The following RUNX1 variants were observed in gnomAD, a reference collection of about 807,000 sequenced individuals.
The protein encoded by RUNX1 is RUNX family transcription factor 1.
RUNX1 carries 19 observed loss-of-function variants against 42.8 expected under a neutral mutation model. The observed-to-expected ratio is 0.44, with a 90% CI of 0.31 to 0.65. The LOEUF is 0.65. Among genes scored for constraint, RUNX1 ranks in the 30% least tolerant of loss-of-function variants. The pLI is 0.07. For missense variants in RUNX1, 528 were observed against 672.0 expected (o/e 0.79, Z 2.37); for synonymous variants, 271 against 289.4 (o/e 0.94, Z 0.64).
At chr21:34,896,038 T>C (rs1287856524) in intron 2 of RUNX1, among the ~76,000 whole-genome samples, 1 of 151,906 alleles carries the variant, frequency 6.6e-6, no homozygotes, top group Non-Finnish European at 1.5e-5. Flanking sequence ...GCATCTGTCC[T>C]TTAATAGTAG....
intron 2 of RUNX1, among the ~76,000 whole-genome samples, chr21:34,967,043 C>T (rs371229289): frequency 6.6e-6 from 1 of 151,952 alleles, no homozygotes; most frequent in Non-Finnish European, 1.5e-5. Flanking sequence ...CATTCACAAA[C>T]GTGTTTTTAA....
At chr21:34,836,752 G>A (rs2057153042) in intron 6 of RUNX1, among the ~76,000 whole-genome samples, 1 of 152,206 alleles carries the variant, frequency 6.6e-6, no homozygotes. Context: ...TGGCATTTTT[G>A]AAGAACACTG....
intron 5 of RUNX1, among the ~76,000 whole-genome samples, chr21:34,877,750 T>C (rs1371655632): frequency 6.6e-6 from 1 of 152,224 alleles, no homozygotes. Flanking sequence ...AGATTCGTTT[T>C]GTAGAACAGA....
chr21:34,861,126 G>C (rs1008965325), intron 5 of RUNX1, among the ~76,000 whole-genome samples: 11 of 152,182 alleles, frequency 7.2e-5, no homozygotes, highest in African/African-American at 2.7e-4. Context: ...CAACTGGCCT[G>C]TCCCCAGAAC....
chr21:34,922,399 C>A (rs1007237293), intron 2 of RUNX1, among the ~76,000 whole-genome samples: 1 of 152,176 alleles, frequency 6.6e-6, no homozygotes, highest in Non-Finnish European at 1.5e-5. Context: ...AGGTACTTTA[C>A]TGTCTTTATA....
intron 2 of RUNX1, among the ~76,000 whole-genome samples, chr21:34,999,395 C>T (rs779596236): frequency 6.6e-6 from 1 of 152,180 alleles, no homozygotes; most frequent in African/African-American, 2.4e-5. Flanking sequence ...AACCAAGATA[C>T]ATCAAGGTCA....
chr21:34,978,159 C>T (rs2058817557), intron 2 of RUNX1, among the ~76,000 whole-genome samples: 2 of 152,100 alleles, frequency 1.3e-5, no homozygotes, highest in Admixed American at 6.6e-5. Flanking sequence ...AGGATGGTCT[C>T]GATCTCCTGA....
intron 2 of RUNX1, among the ~76,000 whole-genome samples, chr21:34,904,466 G>T (rs2058202220): frequency 6.6e-6 from 1 of 152,132 alleles, no homozygotes; most frequent in South Asian, 2.1e-4. Flanking sequence ...TATTTTTGCA[G>T]AGTAGGTTGT....
intron 2 of RUNX1, among the ~76,000 whole-genome samples, chr21:34,980,930 G>A (rs917923416): frequency 2.6e-5 from 4 of 152,208 alleles, no homozygotes; most frequent in Non-Finnish European, 5.9e-5. Context: ...TACCAAGTGA[G>A]TATTTCTACT....
Position 34,886,967 on chromosome 21 carries a change from C to G in RUNX1, c.227G>C (p.Arg76Pro), listed in dbSNP as rs780816315. 1 of 1,610,856 alleles carries G rather than the reference C, an allele frequency of 6.2e-7. No individual in the cohort carries two copies. The highest frequency in any genetic ancestry group is 8.5e-7 in the Non-Finnish European group (1 of 1,179,320). Reference sequence around the variant, plus strand: ...GTCGGCCAGCACCTCCACCATGCTGCGGTCGCCGCTCCTCAGCTTGCCGGC... The same window carrying G: ...GTCGGCCAGCACCTCCACCATGCTGGGGTCGCCGCTCCTCAGCTTGCCGGC... The part of the protein sequence containing the change: ...ALAGKLRSGD[R>P]SMVEVLADHP... The change falls in exon 4 of 9, where the codon CGC becomes CCC. Residue 76 changes from arginine (R) to proline (P), a missense_variant. Arg to Pro is a moderately radical substitution (Grantham distance 103). This residue lies in a region of RUNX1 where 114 missense variants were observed against 115.0 expected (regional missense o/e 0.99). Coordinates refer to ENST00000675419, the MANE Select transcript of RUNX1 (RefSeq NM_001754.5).
intron 2 of RUNX1, among the ~76,000 whole-genome samples, chr21:34,917,471 C>T (rs977882721): frequency 1.3e-5 from 2 of 152,198 alleles, no homozygotes; most frequent in Non-Finnish European, 2.9e-5. Context: ...CTACATCCTA[C>T]ACCTAAAGGC....
chr21:34,942,733 T>C (rs1420794215), intron 2 of RUNX1, among the ~76,000 whole-genome samples: 2 of 152,202 alleles, frequency 1.3e-5, no homozygotes, highest in African/African-American at 4.8e-5. Flanking sequence ...TGCCCCTCTC[T>C]TGCTGGCATT....
chr21:35,034,276 C>T (rs2059292059), intron 2 of RUNX1, among the ~76,000 whole-genome samples: 1 of 152,224 alleles, frequency 6.6e-6, no homozygotes, highest in East Asian at 1.9e-4. Flanking sequence ...AGGCCAGAGT[C>T]ATGGCTGCCT....
At chr21:34,850,346 G>A (rs141826714) in intron 6 of RUNX1, among the ~76,000 whole-genome samples, 193 of 152,304 alleles carry the variant, frequency 1.3e-3, no homozygotes, top group Non-Finnish European at 2.4e-3. Context: ...GGTCTCCAGT[G>A]CTGGTCACTG....
intron 7 of RUNX1, chr21:34,821,633 G>A: frequency 6.4e-7 from 1 of 1,561,202 alleles, no homozygotes; most frequent in Non-Finnish European, 8.7e-7. Flanking sequence ...TATCCTGGCT[G>A]GGGAGAGGGA....
At chr21:34,917,458 A>G (rs2058320233) in intron 2 of RUNX1, among the ~76,000 whole-genome samples, 3 of 152,236 alleles carry the variant, frequency 2.0e-5, no homozygotes, top group African/African-American at 7.2e-5. Context: ...CTGCATTAGC[A>G]TTCTACATCC....
At chr21:34,971,756 G>A (rs2058765284) in intron 2 of RUNX1, among the ~76,000 whole-genome samples, 1 of 152,180 alleles carries the variant, frequency 6.6e-6, no homozygotes, top group Non-Finnish European at 1.5e-5. Flanking sequence ...GCAGCTCAGA[G>A]GGGACAGAAA....
At chr21:35,035,936 A>G (rs1343087840) in intron 2 of RUNX1, among the ~76,000 whole-genome samples, 1 of 152,184 alleles carries the variant, frequency 6.6e-6, no homozygotes. Flanking sequence ...GATGTGTTTG[A>G]TCCTAAACTG....
Position 34,878,376 on chromosome 21 carries a change from T to TATACAC in RUNX1, c.508+2180_508+2181insGTGTAT, listed in dbSNP as rs983839964. ...AAAAAAAAAAATATATATATATATATACACACACACATATATATATACATC... is the reference window on the plus strand; with the variant it reads ...AAAAAAAAAAATATATATATATATATATACACACACACACACATATATATATACATC... On this transcript the variant is annotated intron_variant, in intron 5 of 8. Transcript: ENST00000675419. Among the ~76,000 whole-genome samples the TATACAC allele has an allele frequency of 3.5e-4, 52 of 147,900 alleles. No homozygotes were observed. In the East Asian group the frequency reaches 5.1e-3, roughly 14 times the overall value.
Sources: allele counts gnomAD v4.1 joint callset (sites outside exome capture counted in the v4.1 genomes callset), GRCh38; gene constraint gnomAD v4.1.1; regional missense constraint gnomAD v4.1.1; transcripts MANE v1.5; gene names NCBI Gene and HGNC (gene_info 2026-07-23, HGNC 2026-07-21).